Variants in SNX7 observed in about 807,000 individuals in gnomAD.
The protein encoded by SNX7 is sorting nexin-7.
A neutral mutation model predicts 48.4 loss-of-function variants in SNX7; 35 were observed. The observed-to-expected ratio is 0.72, with a 90% CI of 0.55 to 0.96. The LOEUF (loss-of-function observed/expected upper bound fraction) is 0.96. Ranked by LOEUF, SNX7 falls within the 40% of genes least tolerant of loss-of-function variation. The pLI, the probability that SNX7 is intolerant of heterozygous loss-of-function variation, is 0.00. For missense variants in SNX7, 553 were observed against 548.9 expected, an observed-to-expected ratio of 1.01 and a Z score of -0.07; for synonymous variants, 190 against 190.2, an observed-to-expected ratio of 1.00 and a Z score of 0.01.
chr1:98,741,151 T>G (rs544852535), intron 8 of SNX7, among the ~76,000 whole-genome samples: 1 of 152,284 alleles, frequency 6.6e-6, no homozygotes, highest in African/African-American at 2.4e-5. Flanking sequence ...CTAATGGAAA[T>G]ACTTCTTTTT....
At chr1:98,676,581 C>T (rs1344018870) in intron 1 of SNX7, among the ~76,000 whole-genome samples, 1 of 152,132 alleles carries the variant, frequency 6.6e-6, no homozygotes, top group South Asian at 2.1e-4. Context: ...CATTGTAGTT[C>T]ACAGAGCTAA....
intron 6 of SNX7, among the ~76,000 whole-genome samples, chr1:98,700,206 G>A (rs921558357): frequency 3.9e-5 from 6 of 152,064 alleles, no homozygotes; most frequent in African/African-American, 1.4e-4. Context: ...TTCTTGTTCT[G>A]TTTGATATTG....
At chr1:98,728,288 G>C (rs182620747) in intron 7 of SNX7, among the ~76,000 whole-genome samples, 6 of 152,136 alleles carry the variant, frequency 3.9e-5, no homozygotes, top group African/African-American at 1.4e-4. Context: ...GCCAAACTAA[G>C]CTTCATAAGT....
At position 98,727,993 on chromosome 1, in the gene SNX7, C is replaced by A. The variant is rs571218071; in HGVS notation, c.1126-10244C>A. Among the ~76,000 whole-genome samples, 13 of 152,210 alleles carry A rather than the reference C, an allele frequency of 8.5e-5. No homozygotes were observed. In the South Asian group the frequency reaches 2.7e-3, roughly 32 times the overall value. ...ATATCATCCAGGAGAACTTCTCTAA[C>A]CTAGCAGGACTGGCCAACATTCAAA... is the stretch of plus-strand genomic sequence containing the variant. On this transcript the variant is annotated intron_variant, in intron 7 of 8. Coordinates refer to ENST00000306121, the MANE Select transcript of SNX7 (RefSeq NM_015976.5).
At chr1:98,686,906 G>A (rs944089652) in intron 2 of SNX7, among the ~76,000 whole-genome samples, 3 of 151,820 alleles carry the variant, frequency 2.0e-5, no homozygotes, top group Non-Finnish European at 2.9e-5. Context: ...CATCATTTGC[G>A]TCTCTCAGAA....
chr1:98,710,467 C>G (rs972633814), intron 7 of SNX7, among the ~76,000 whole-genome samples: 2 of 151,684 alleles, frequency 1.3e-5, no homozygotes, highest in Non-Finnish European at 2.9e-5. Flanking sequence ...TTAACTGCAA[C>G]CGAAAAAGTA....
At chr1:98,697,773 TA>T (rs1236374141) in intron 5 of SNX7, among the ~76,000 whole-genome samples, 1 of 152,040 alleles carries the variant, frequency 6.6e-6, no homozygotes, top group Non-Finnish European at 1.5e-5. Flanking sequence ...AATAGAAGTA[TA>T]AAATTATGAT....
intron 1 of SNX7, among the ~76,000 whole-genome samples, chr1:98,672,660 C>T (rs1649933071): frequency 6.6e-6 from 1 of 150,958 alleles, no homozygotes; most frequent in South Asian, 2.1e-4. Flanking sequence ...CGCGGTGGCT[C>T]ACGCCTGTAA....
At chr1:98,689,849 T>A (rs774085175) in intron 2 of SNX7, among the ~76,000 whole-genome samples, 19 of 152,210 alleles carry the variant, frequency 1.2e-4, no homozygotes, top group Non-Finnish European at 1.9e-4. Flanking sequence ...TTTTACCATT[T>A]CCATATCATG....
chr1:98,747,990 T>TC (rs1350434689), intron 8 of SNX7, among the ~76,000 whole-genome samples: 115 of 150,184 alleles, frequency 7.7e-4, no homozygotes, highest in Non-Finnish European at 1.4e-3. Flanking sequence ...TTTTTTTTTT[T>TC]TTTTGAGATG....
intron 7 of SNX7, among the ~76,000 whole-genome samples, chr1:98,704,321 A>G (rs1377094770): frequency 2.0e-5 from 3 of 152,214 alleles, no homozygotes; most frequent in Non-Finnish European, 4.4e-5. Context: ...TTAAGTTTCA[A>G]AACAGACACA....
chr1:98,737,555 A>G (rs1208976760), intron 7 of SNX7, among the ~76,000 whole-genome samples: 2 of 152,242 alleles, frequency 1.3e-5, no homozygotes, highest in African/African-American at 4.8e-5. Flanking sequence ...ATACATATAT[A>G]TGAATATGCC....
intron 4 of SNX7, 61 bp from the exon 5 acceptor site, chr1:98,695,457 G>T: frequency 1.8e-5 from 26 of 1,483,114 alleles, no homozygotes; most frequent in Admixed American, 9.4e-5. Context: ...GTTTATTTTT[G>T]TATTGAGTCT....
At chr1:98,664,819 C>T (rs138110008) in intron 1 of SNX7, among the ~76,000 whole-genome samples, 8 of 151,702 alleles carry the variant, frequency 5.3e-5, no homozygotes, top group East Asian at 1.9e-4. Context: ...TTTAAAAGAA[C>T]GGGGATAGAT....
At chr1:98,748,262 A>T (rs12752123) in intron 8 of SNX7, among the ~76,000 whole-genome samples, 32,604 of 151,888 alleles carry the variant, frequency 0.21, 3,814 homozygotes, top group East Asian at 0.31. Flanking sequence ...CTGGTATTAT[A>T]GGTGTGAGCC....
intron 1 of SNX7, among the ~76,000 whole-genome samples, chr1:98,665,485 A>G (rs1245966524): frequency 1.3e-5 from 2 of 152,242 alleles, no homozygotes; most frequent in South Asian, 2.1e-4. Context: ...TATAAGAATA[A>G]TGAAAGACTT....
chr1:98,682,446 T>C (rs1458685159), intron 1 of SNX7, among the ~76,000 whole-genome samples: 1 of 152,162 alleles, frequency 6.6e-6, no homozygotes, highest in Non-Finnish European at 1.5e-5. Flanking sequence ...GTAAAGAAGC[T>C]TCCAAAGAAT....
intron 1 of SNX7, chr1:98,662,642 C>T: frequency 1.6e-6 from 2 of 1,282,652 alleles, no homozygotes; most frequent in Non-Finnish European, 2.0e-6. Context: ...TACGTGTAGA[C>T]TGGTGTTTGT....
intron 7 of SNX7, among the ~76,000 whole-genome samples, chr1:98,730,288 C>T (rs1218321734): frequency 1.3e-5 from 2 of 152,016 alleles, no homozygotes; most frequent in Non-Finnish European, 2.9e-5. Flanking sequence ...TTATGACAAA[C>T]CCACAGCCAT....
Sources: gnomAD v4.1 joint callset for allele counts (sites outside exome capture counted in the v4.1 genomes callset) on GRCh38, gnomAD v4.1.1 for gene constraint, MANE v1.5 for transcripts, NCBI Gene and HGNC (gene_info 2026-07-23, HGNC 2026-07-21) for gene names.